OPN5: variants seen among roughly 807,000 people sequenced by gnomAD.
OPN5 encodes the protein opsin-5.
In OPN5, 18 loss-of-function variants were observed where a neutral mutation model predicts 41.7. The observed-to-expected ratio is 0.43, with a 90% CI of 0.30 to 0.64. The LOEUF is 0.64. Among genes scored for constraint, OPN5 ranks in the 30% least tolerant of loss-of-function variants. The pLI is 0.13. For missense variants in OPN5, 318 were observed against 434.5 expected (o/e 0.73, Z 2.38); for synonymous variants, 178 against 164.3 (o/e 1.08, Z -0.64).
At chr6:47,795,036 G>A (rs1476875199) in intron 3 of OPN5, 193 bp from the exon 4 acceptor site, 2 of 512,246 alleles carry the variant, frequency 3.9e-6, no homozygotes, top group African/African-American at 1.9e-5. Flanking sequence ...TTCCAATTGT[G>A]TTCTCCTGGA....
chr6:47,797,001 CTT>C lies in OPN5; in HGVS notation c.756+1441_756+1442del, dbSNP rs1773593196. 2.0e-5 allele frequency among the ~76,000 whole-genome samples: 3 copies of C among 152,284 alleles called. No individual in the cohort carries two copies. The South Asian group carries it at 6.2e-4, about 32-fold the overall frequency. On this transcript the variant is annotated intron_variant, in intron 4 of 6. Transcript: ENST00000371211. ...AAGAGAGCATGTGCAGGGGAACTCCCTTTTATAGAACCATCAGATCTTGTGAG... is the reference window on the plus strand; with the variant it reads ...AAGAGAGCATGTGCAGGGGAACTCCCTTATAGAACCATCAGATCTTGTGAG...
At position 47,819,352 on chromosome 6, in the gene OPN5, TAA is replaced by T. The variant is rs1360600478; in HGVS notation, c.1057-4626_1057-4625del. 7.0e-4 allele frequency among the ~76,000 whole-genome samples: 67 copies of T among 95,142 alleles called. 14 individuals carry two copies. Among genetic ancestry groups the T allele is most frequent in the East Asian group, 1.9e-3 (5 of 2,578 alleles). The allele number at this position is 95,142 out of a possible 152,430, so 62.4% of individuals were successfully genotyped here. ...AAAATTAGGAATATATATATATATA[TAA>T]AAAATATATTACCGTATAAGTAGAA... On this transcript the variant is annotated intron_variant, in intron 6 of 6. Coordinates refer to ENST00000371211, the Ensembl canonical transcript of OPN5.
intron 5 of OPN5, among the ~76,000 whole-genome samples, chr6:47,809,246 T>G (rs1774096623): frequency 1.3e-5 from 2 of 152,196 alleles, no homozygotes; most frequent in African/African-American, 2.4e-5. Flanking sequence ...GCCCCTGGTC[T>G]CAGTGCTTTT....
chr6:47,814,894 T>C (rs963044047), intron 6 of OPN5, among the ~76,000 whole-genome samples: 3 of 152,104 alleles, frequency 2.0e-5, no homozygotes, highest in Non-Finnish European at 4.4e-5. Context: ...TAAAGGACAC[T>C]TGGAAAGTTA....
intron 1 of OPN5, among the ~76,000 whole-genome samples, chr6:47,783,464 A>G (rs1773128257): frequency 1.3e-5 from 2 of 152,080 alleles, no homozygotes; most frequent in Admixed American, 6.6e-5. Context: ...AACCTCCTGA[A>G]AGTAGCAAAA....
At chr6:47,820,212 T>C (rs1762577205) in intron 6 of OPN5, among the ~76,000 whole-genome samples, 1 of 152,088 alleles carries the variant, frequency 6.6e-6, no homozygotes, top group Non-Finnish European at 1.5e-5. Flanking sequence ...TGGCCCTTTA[T>C]GGAAAAACTT....
chr6:47,795,284 T>C (rs1408887741), exon 4 of OPN5: 2 of 1,613,516 alleles, frequency 1.2e-6, no homozygotes, highest in African/African-American at 1.3e-5. Context: ...TCTGGGCCTA[T>C]GCTTCCTTCT....
chr6:47,815,450 C>A (rs914753124), intron 6 of OPN5, among the ~76,000 whole-genome samples: 2 of 151,974 alleles, frequency 1.3e-5, no homozygotes, highest in African/African-American at 4.8e-5. Context: ...TAGGCTGTTG[C>A]AGGGATCAAT....
intron 1 of OPN5, among the ~76,000 whole-genome samples, chr6:47,784,589 C>T (rs1467642618): frequency 1.3e-5 from 2 of 152,134 alleles, no homozygotes; most frequent in Admixed American, 6.5e-5. Context: ...TGAGCCACCG[C>T]GCCTGGCCAA....
intron 5 of OPN5, among the ~76,000 whole-genome samples, chr6:47,811,369 A>G (rs1251850115): frequency 1.3e-5 from 2 of 152,162 alleles, no homozygotes; most frequent in African/African-American, 4.8e-5. Context: ...GTGAATCACA[A>G]GGCCTACATA....
intron 4 of OPN5, among the ~76,000 whole-genome samples, chr6:47,807,406 A>G (rs183876302): frequency 1.3e-5 from 2 of 152,304 alleles, no homozygotes; most frequent in African/African-American, 4.8e-5. Context: ...CACAGCACTA[A>G]TTAGGACTAC....
intron 4 of OPN5, among the ~76,000 whole-genome samples, chr6:47,805,646 G>A (rs898701441): frequency 6.6e-6 from 1 of 152,194 alleles, no homozygotes; most frequent in Non-Finnish European, 1.5e-5. Context: ...CCTGCCTACC[G>A]CTAAAGTGTA....
chr6:47,789,431 T>A (rs1175598819), intron 2 of OPN5, among the ~76,000 whole-genome samples: 1 of 151,844 alleles, frequency 6.6e-6, no homozygotes, highest in African/African-American at 2.4e-5. Flanking sequence ...CTGCTTTACC[T>A]GTTAGAAAAT....
At chr6:47,795,074 CCGT>C in intron 3 of OPN5, 152 bp from the exon 4 acceptor site, 1 of 598,674 alleles carries the variant, frequency 1.7e-6, no homozygotes, top group Non-Finnish European at 2.8e-6. Flanking sequence ...GAACTTTTTT[CCGT>C]TTACTCCACT....
rs1320261893 is a variant in OPN5, at chr6:47,805,981, G to A, written c.757-2173G>A. On this transcript the variant is annotated intron_variant, in intron 4 of 6. Transcript: ENST00000371211. ...AAGGTGGGTCTGATCAAGATCTTTT[G>A]AGTCATGCGCTGCTCTCTATTCCTA... 2.0e-5 allele frequency among the ~76,000 whole-genome samples: 3 copies of A among 152,106 alleles called. No individual in the cohort carries two copies. In the East Asian group the frequency reaches 5.8e-4, roughly 30 times the overall value.
At chr6:47,793,240 A>T (rs1185674466) in intron 3 of OPN5, among the ~76,000 whole-genome samples, 3 of 152,160 alleles carry the variant, frequency 2.0e-5, no homozygotes, top group Non-Finnish European at 2.9e-5. Context: ...CTAAACCCTG[A>T]TACCTCTGTT....
chr6:47,792,764 A>G (rs934142820), intron 3 of OPN5, among the ~76,000 whole-genome samples: 7 of 152,172 alleles, frequency 4.6e-5, no homozygotes, highest in Non-Finnish European at 1.0e-4. Context: ...TTGATTGTCA[A>G]TCTGTCAATT....
At chr6:47,817,855 A>C (rs1762478190) in intron 6 of OPN5, among the ~76,000 whole-genome samples, 1 of 152,022 alleles carries the variant, frequency 6.6e-6, no homozygotes, top group Non-Finnish European at 1.5e-5. Context: ...GGTATGTTTC[A>C]CCCTCAGGAC....
intron 3 of OPN5, among the ~76,000 whole-genome samples, chr6:47,793,236 C>G (rs1446350070): frequency 1.3e-5 from 2 of 151,818 alleles, no homozygotes; most frequent in African/African-American, 2.4e-5. Context: ...AATACTAAAC[C>G]CTGATACCTC....
Sources: allele counts gnomAD v4.1 joint callset (sites outside exome capture counted in the v4.1 genomes callset), GRCh38; gene constraint gnomAD v4.1.1; transcripts MANE v1.5; gene names NCBI Gene and HGNC (gene_info 2026-07-23, HGNC 2026-07-21).